Variants in COMMD10 observed in about 807,000 individuals in gnomAD.
COMMD10 encodes the protein COMM domain containing 10.
A neutral mutation model predicts 28.9 loss-of-function variants in COMMD10; 33 were observed. The ratio of observed to expected loss-of-function variants is 1.14; its 90% CI spans 0.87 to 1.53. COMMD10 has a LOEUF of 1.53. Among genes scored for constraint, COMMD10 ranks in the 40% most tolerant of loss-of-function variants. COMMD10 has a pLI of 0.00. For missense variants in COMMD10, 310 were observed against 233.4 expected (o/e 1.33, Z -2.14); for synonymous variants, 110 against 81.7 (o/e 1.35, Z -1.87).
chr5:116,267,184 G>T (rs1750610309), intron 5 of COMMD10, among the ~76,000 whole-genome samples: 2 of 151,874 alleles, frequency 1.3e-5, no homozygotes, highest in Admixed American at 6.6e-5. Context: ...ACATGATTGT[G>T]TATTTAGAAA....
intron 5 of COMMD10, among the ~76,000 whole-genome samples, chr5:116,206,015 C>G (rs183978423): frequency 1.3e-5 from 2 of 152,180 alleles, no homozygotes; most frequent in East Asian, 3.9e-4. Flanking sequence ...ACTTGAGAAA[C>G]AAAGTTGAAT....
At chr5:116,284,525 C>G (rs1354713499) in intron 5 of COMMD10, among the ~76,000 whole-genome samples, 1 of 151,790 alleles carries the variant, frequency 6.6e-6, no homozygotes, top group Non-Finnish European at 1.5e-5. Context: ...ATTATCCAGA[C>G]TATCTTTCTG....
rs1364848499 is a variant in COMMD10, at chr5:116,267,618, C to CAA, written c.511-23894_511-23893dup. On this transcript the variant is annotated intron_variant, in intron 5 of 6. Coordinates refer to ENST00000274458, the MANE Select transcript of COMMD10 (RefSeq NM_016144.4). ...AACTACTTTAAAGTTCATATGGAAC[C>CAA]AAAAAAGAGCCTGCATTGCCAAGAC... Among the ~76,000 whole-genome samples the CAA allele has an allele frequency of 3.3e-5, 5 of 151,692 alleles. 1 individual carries two copies. The highest frequency in any genetic ancestry group is 7.4e-5 in the Non-Finnish European group (5 of 67,988).
At chr5:116,165,226 C>T (rs763020886) in intron 5 of COMMD10, among the ~76,000 whole-genome samples, 3 of 152,002 alleles carry the variant, frequency 2.0e-5, no homozygotes, top group Non-Finnish European at 4.4e-5. Context: ...TGGTGAAAAG[C>T]ATACCTCAGG....
intron 4 of COMMD10, among the ~76,000 whole-genome samples, chr5:116,111,873 C>T (rs996767388): frequency 5.3e-5 from 8 of 152,022 alleles, no homozygotes; most frequent in African/African-American, 1.2e-4. Context: ...GAGATGGTGA[C>T]GTCCCCTATT....
At chr5:116,216,761 C>G (rs568574954) in intron 5 of COMMD10, among the ~76,000 whole-genome samples, 1 of 152,240 alleles carries the variant, frequency 6.6e-6, no homozygotes, top group Non-Finnish European at 1.5e-5. Flanking sequence ...GTCTCGATCT[C>G]TTGACCTCAT....
chr5:116,089,916 G>A (rs1218626840), intron 2 of COMMD10, among the ~76,000 whole-genome samples: 4 of 152,180 alleles, frequency 2.6e-5, no homozygotes, highest in Admixed American at 1.3e-4. Flanking sequence ...GTGCATTTCA[G>A]GATCTGCCTA....
chr5:116,236,000 ACT>A (rs1298594521), intron 5 of COMMD10, among the ~76,000 whole-genome samples: 2 of 152,072 alleles, frequency 1.3e-5, no homozygotes, highest in African/African-American at 4.8e-5. Context: ...ATCTTTGAAC[ACT>A]CTTTTATATG....
At chr5:116,265,640 A>C (rs753590089) in intron 5 of COMMD10, among the ~76,000 whole-genome samples, 1 of 151,872 alleles carries the variant, frequency 6.6e-6, no homozygotes, top group Non-Finnish European at 1.5e-5. Context: ...GGCTACGTAC[A>C]TGTGGAACAT....
chr5:116,259,181 G>A (rs34357248), intron 5 of COMMD10, among the ~76,000 whole-genome samples: 12,704 of 149,808 alleles, frequency 0.085, 717 homozygotes, highest in Non-Finnish European at 0.13. Flanking sequence ...TCCCACCTCA[G>A]CCTCCAGAGT....
intron 5 of COMMD10, among the ~76,000 whole-genome samples, chr5:116,167,463 G>T (rs1344956933): frequency 6.6e-6 from 1 of 152,098 alleles, no homozygotes; most frequent in Admixed American, 6.5e-5. Flanking sequence ...TAGCAAGACA[G>T]GACAACATTC....
At position 116,246,551 on chromosome 5, in the gene COMMD10, G is replaced by A. The variant is rs575139651; in HGVS notation, c.511-44966G>A. ...GCCAAAGCAATTTTAAGCAAAAAGA[G>A]CAAAGCTGGAGGTATCCCATTACTT... On this transcript the variant is annotated intron_variant, in intron 5 of 6. Transcript: ENST00000274458. Among the ~76,000 whole-genome samples, 10 of 151,054 alleles carry A rather than the reference G, an allele frequency of 6.6e-5. No individual in the cohort carries two copies. In the South Asian group the frequency reaches 2.1e-3, roughly 32 times the overall value.
chr5:116,280,596 A>G (rs1327008840), intron 5 of COMMD10, among the ~76,000 whole-genome samples: 1 of 151,850 alleles, frequency 6.6e-6, no homozygotes, highest in Non-Finnish European at 1.5e-5. Flanking sequence ...TTTCTCGGGC[A>G]GCACATGTTA....
intron 5 of COMMD10, among the ~76,000 whole-genome samples, chr5:116,202,604 T>C (rs953602885): frequency 6.6e-6 from 1 of 152,020 alleles, no homozygotes; most frequent in Admixed American, 6.5e-5. Flanking sequence ...GGTATCTCAT[T>C]GTGGTTTTGA....
At chr5:116,171,727 A>C (rs1033798673) in intron 5 of COMMD10, among the ~76,000 whole-genome samples, 1 of 152,132 alleles carries the variant, frequency 6.6e-6, no homozygotes, top group African/African-American at 2.4e-5. Context: ...GTAACACAGG[A>C]ACAGAAAACC....
intron 5 of COMMD10, among the ~76,000 whole-genome samples, chr5:116,168,415 T>C (rs560287791): frequency 1.1e-4 from 17 of 151,870 alleles, no homozygotes; most frequent in African/African-American, 3.9e-4. Context: ...ACTTTCGATA[T>C]TAGATCAATG....
chr5:116,101,509 C>G (rs897863861), intron 4 of COMMD10, among the ~76,000 whole-genome samples: 1 of 152,124 alleles, frequency 6.6e-6, no homozygotes, highest in African/African-American at 2.4e-5. Flanking sequence ...TCACTGCAAC[C>G]TCCGCCTCCC....
At chr5:116,284,005 T>G (rs73261067) in intron 5 of COMMD10, among the ~76,000 whole-genome samples, 12,571 of 151,582 alleles carry the variant, frequency 0.083, 1,224 homozygotes, top group African/African-American at 0.22. Context: ...GAAGCGCACT[T>G]CTAATCCCAG....
intron 4 of COMMD10, among the ~76,000 whole-genome samples, chr5:116,123,609 T>C (rs559845440): frequency 6.6e-6 from 1 of 152,290 alleles, no homozygotes; most frequent in African/African-American, 2.4e-5. Flanking sequence ...GGATTCCCTC[T>C]TTTTCTGTTG....
Sources: allele counts gnomAD v4.1 joint callset (sites outside exome capture counted in the v4.1 genomes callset), GRCh38; gene constraint gnomAD v4.1.1; transcripts MANE v1.5; gene names NCBI Gene and HGNC (gene_info 2026-07-23, HGNC 2026-07-21).